Variants in ASPRV1 observed in about 807,000 individuals in gnomAD.
ASPRV1 encodes aspartic peptidase retroviral like 1, also known as retroviral-like aspartic protease 1.
ASPRV1 carries 7 observed loss-of-function variants against 11.0 expected under a neutral mutation model. The observed-to-expected ratio is 0.64, with a 90% confidence interval of 0.36 to 1.20. The LOEUF (loss-of-function observed/expected upper bound fraction) is 1.20, where lower values mean the gene tolerates loss of function less well. Ranked by LOEUF, ASPRV1 falls within the 50% of genes most tolerant of loss-of-function variation. ASPRV1 has a pLI of 0.02. For synonymous variants in ASPRV1, 136 were observed against 138.4 expected (o/e 0.98, Z 0.12); for missense variants, 299 against 320.0 (o/e 0.93, Z 0.50).
downstream of ASPRV1, among the ~76,000 whole-genome samples, chr2:69,959,005 G>A (rs1029309333): frequency 2.0e-5 from 3 of 152,272 alleles, no homozygotes; most frequent in African/African-American, 7.2e-5. Context: ...CGAGGATTAG[G>A]GGCTGAGCCA....
the ASPRV1 span, among the ~76,000 whole-genome samples, chr2:70,019,616 A>G: frequency 6.6e-6 from 1 of 152,220 alleles, no homozygotes; most frequent in Non-Finnish European, 1.5e-5. Flanking sequence ...TTGTGACAAC[A>G]TGAGTGAACC....
chr2:69,959,184 C>T (rs1678004878), downstream of ASPRV1, among the ~76,000 whole-genome samples: 1 of 152,176 alleles, frequency 6.6e-6, no homozygotes, highest in Admixed American at 6.5e-5. Context: ...GCTCATTCCA[C>T]CCTGGAGGAT....
chr2:70,009,416 G>T, the ASPRV1 span, among the ~76,000 whole-genome samples: 1 of 151,882 alleles, frequency 6.6e-6, no homozygotes, highest in Admixed American at 6.6e-5. Flanking sequence ...TGCAACCTCC[G>T]CCTCCTGGGT....
chr2:70,063,320 C>T, the ASPRV1 span, among the ~76,000 whole-genome samples: 2 of 152,212 alleles, frequency 1.3e-5, no homozygotes, highest in Non-Finnish European at 2.9e-5. Flanking sequence ...CCACCATTCA[C>T]ACACATCCAG....
chr2:69,950,984 GA>G, the ASPRV1 span, among the ~76,000 whole-genome samples: 1 of 151,686 alleles, frequency 6.6e-6, no homozygotes, highest in Non-Finnish European at 1.5e-5. Context: ...AGGAAAGAAA[GA>G]AAAGGCAAGA....
chr2:69,964,671 C>T (rs558674396), upstream of ASPRV1: 2 of 204,914 alleles, frequency 9.8e-6, no homozygotes, highest in Admixed American at 1.1e-4. Context: ...CACCCATTAG[C>T]GTCTCCTGGG....
the ASPRV1 span, among the ~76,000 whole-genome samples, chr2:70,077,864 T>A: frequency 6.7e-6 from 1 of 149,458 alleles, no homozygotes; most frequent in African/African-American, 2.5e-5. Context: ...TCAAAAAAAA[T>A]AAAATAAAAA....
the ASPRV1 span, among the ~76,000 whole-genome samples, chr2:69,967,927 C>CA: frequency 6.6e-6 from 1 of 151,902 alleles, no homozygotes; most frequent in African/African-American, 2.4e-5. Context: ...CTAAAAATTA[C>CA]AAAAATTAGT....
At chr2:69,991,157 C>G in the ASPRV1 span, among the ~76,000 whole-genome samples, 1 of 152,278 alleles carries the variant, frequency 6.6e-6, no homozygotes, top group South Asian at 2.1e-4. Flanking sequence ...GGTGACCTGC[C>G]TGGGGAATTC....
chr2:70,082,577 GCACA>G, the ASPRV1 span, among the ~76,000 whole-genome samples: 1 of 152,186 alleles, frequency 6.6e-6, no homozygotes, highest in Non-Finnish European at 1.5e-5. Context: ...GGGTGTGGCG[GCACA>G]TGCCTGTAAT....
the ASPRV1 span, chr2:70,074,907 G>A: frequency 6.6e-6 from 1 of 151,482 alleles, no homozygotes; most frequent in Non-Finnish European, 1.5e-5. Flanking sequence ...ACGAGGTCAA[G>A]AAATCGAGCA....
At chr2:70,021,185 G>T in the ASPRV1 span, among the ~76,000 whole-genome samples, 1 of 152,006 alleles carries the variant, frequency 6.6e-6, no homozygotes, top group Non-Finnish European at 1.5e-5. Context: ...TGTTTCACTT[G>T]GCACAGTATT....
At chr2:70,063,381 T>A in the ASPRV1 span, among the ~76,000 whole-genome samples, 1,946 of 152,300 alleles carry the variant, frequency 0.013, 48 homozygotes, top group African/African-American at 0.045. Flanking sequence ...TCCCGTACTA[T>A]ATTCTACAGA....
chr2:69,937,586 A>G, the ASPRV1 span, among the ~76,000 whole-genome samples: 2 of 152,118 alleles, frequency 1.3e-5, no homozygotes, highest in Non-Finnish European at 2.9e-5. Context: ...ACCCCAGAAG[A>G]GTTTGATTGG....
chr2:69,961,029 G>C lies in ASPRV1; in HGVS notation c.408C>G (p.Val136=). The C allele has an allele frequency of 6.2e-7, 1 of 1,614,068 alleles. No individual in the cohort carries two copies. The highest frequency in any genetic ancestry group is 8.5e-7 in the Non-Finnish European group (1 of 1,180,004). Residue 136 remains valine, a synonymous_variant, in exon 1 of 1, where the codon GTC becomes GTG. Coordinates refer to ENST00000320256, the MANE Select transcript of ASPRV1 (RefSeq NM_152792.4). ...LVDSGAQVSV[V]HPNLWEEVTD... ...TGACCTCCTCCCACAAGTTTGGGTG[G>C]ACCACAGAGACCTGGGCCCCAGAGT... is the stretch of plus-strand genomic sequence containing the variant.
At chr2:69,983,558 T>A in the ASPRV1 span, among the ~76,000 whole-genome samples, 1 of 152,102 alleles carries the variant, frequency 6.6e-6, no homozygotes, top group Non-Finnish European at 1.5e-5. Flanking sequence ...TGAGCTGGGC[T>A]GGGCTGGATG....
the ASPRV1 span, among the ~76,000 whole-genome samples, chr2:70,066,662 A>G: frequency 6.6e-6 from 1 of 152,032 alleles, no homozygotes; most frequent in Non-Finnish European, 1.5e-5. Flanking sequence ...CAGTGGCATC[A>G]TTACAGTTCG....
the ASPRV1 span, chr2:70,055,638 T>C: frequency 4.1e-5 from 6 of 145,982 alleles, no homozygotes; most frequent in African/African-American, 1.5e-4. Flanking sequence ...GGGGTGGGGG[T>C]GAGGGGAGGG....
At chr2:70,039,551 T>C in the ASPRV1 span, among the ~76,000 whole-genome samples, 6 of 152,186 alleles carry the variant, frequency 3.9e-5, no homozygotes, top group African/African-American at 1.2e-4. Context: ...CCAGATTACA[T>C]GAGGTTCCAC....
Sources: gnomAD v4.1 joint callset for allele counts (sites outside exome capture counted in the v4.1 genomes callset) on GRCh38, gnomAD v4.1.1 for gene constraint, MANE v1.5 for transcripts, NCBI Gene and HGNC (gene_info 2026-07-23, HGNC 2026-07-21) for gene names.